The following LSAMP variants were observed in gnomAD, a reference collection of about 807,000 sequenced individuals.
LSAMP encodes the protein limbic system-associated membrane protein.
Under a neutral mutation model 38.6 loss-of-function variants are expected in LSAMP, and 7 were observed. The ratio of observed to expected loss-of-function variants is 0.18; its 90% CI spans 0.10 to 0.34. The LOEUF is 0.34. Ranked by LOEUF, LSAMP falls within the 10% of genes least tolerant of loss-of-function variation. LSAMP has a pLI of 1.00. For missense variants in LSAMP, 313 were observed against 420.0 expected (o/e 0.75, Z 2.23); for synonymous variants, 154 against 166.8 (o/e 0.92, Z 0.59).
chr3:116,065,398 T>C (rs750532392), intron 2 of LSAMP, among the ~76,000 whole-genome samples: 40 of 152,240 alleles, frequency 2.6e-4, no homozygotes, highest in Non-Finnish European at 4.6e-4. Flanking sequence ...AGTTTTTATA[T>C]TTGGTTGATA....
chr3:115,839,260 TC>T (rs1934908422), intron 6 of LSAMP, among the ~76,000 whole-genome samples: 1 of 89,344 alleles, frequency 1.1e-5, no homozygotes, highest in South Asian at 3.7e-4. Context: ...CTTCCTTCTT[TC>T]TTTCCTTCCT....
intron 3 of LSAMP, among the ~76,000 whole-genome samples, chr3:115,870,358 C>G (rs1017374205): frequency 6.6e-6 from 1 of 152,084 alleles, no homozygotes; most frequent in Non-Finnish European, 1.5e-5. Context: ...TAGATGAGAA[C>G]AAAAGTATAT....
At chr3:116,155,608 G>A (rs1432564932) in intron 1 of LSAMP, among the ~76,000 whole-genome samples, 2 of 148,886 alleles carry the variant, frequency 1.3e-5, no homozygotes, top group Non-Finnish European at 3.0e-5. Context: ...TATTTAATGT[G>A]ATGTATACAA....
chr3:115,899,397 G>A (rs1459095688), intron 3 of LSAMP, among the ~76,000 whole-genome samples: 6 of 152,126 alleles, frequency 3.9e-5, no homozygotes, highest in Non-Finnish European at 8.8e-5. Flanking sequence ...AGTTTGGAAA[G>A]ATGAGGCAGT....
intron 3 of LSAMP, among the ~76,000 whole-genome samples, chr3:115,873,623 T>C (rs1381851978): frequency 1.3e-5 from 2 of 152,148 alleles, no homozygotes; most frequent in African/African-American, 4.8e-5. Flanking sequence ...TAATAGAGTA[T>C]TAGAACTCAA....
intron 1 of LSAMP, among the ~76,000 whole-genome samples, chr3:116,161,413 T>C (rs1269174085): frequency 6.6e-6 from 1 of 152,224 alleles, no homozygotes; most frequent in Non-Finnish European, 1.5e-5. Flanking sequence ...GAACTAAATG[T>C]GCCATCTGTG....
chr3:116,297,957 T>C (rs548312585), intron 1 of LSAMP, among the ~76,000 whole-genome samples: 1 of 152,206 alleles, frequency 6.6e-6, no homozygotes, highest in Non-Finnish European at 1.5e-5. Flanking sequence ...TCTGTAGTCA[T>C]ACCAGCTTTC....
chr3:116,014,224 G>A (rs995191378), intron 3 of LSAMP, among the ~76,000 whole-genome samples: 6 of 152,052 alleles, frequency 3.9e-5, no homozygotes, highest in Non-Finnish European at 7.4e-5. Flanking sequence ...TTAGTTTAAT[G>A]CTTTGCTTTC....
rs573765035 is a variant in LSAMP at position 116,040,161 on chromosome 3, T to A, written c.389-20521A>T. 9.4e-4 allele frequency among the ~76,000 whole-genome samples: 143 copies of A among 152,266 alleles called. 1 individual carries two copies. In the South Asian group the frequency reaches 0.013, roughly 14 times the overall value. On this transcript the variant is annotated intron_variant, in intron 2 of 6. Coordinates refer to ENST00000490035, the MANE Select transcript of LSAMP (RefSeq NM_002338.5). ...TTTATCCTTCCTGGGTAAACACAGT[T>A]GAGGGGAGGGGAACTCTCAGGCAAA...
intron 1 of LSAMP, among the ~76,000 whole-genome samples, chr3:116,383,075 A>G (rs1012091260): frequency 1.3e-5 from 2 of 152,184 alleles, no homozygotes; most frequent in African/African-American, 4.8e-5. Context: ...TGAGCCCTTC[A>G]CTACGTGCTA....
At chr3:116,413,889 T>G (rs1387924962) in intron 1 of LSAMP, among the ~76,000 whole-genome samples, 1 of 129,396 alleles carries the variant, frequency 7.7e-6, no homozygotes, top group African/African-American at 2.6e-5. Flanking sequence ...CCTGGTAGTC[T>G]CACAGAAAAT....
chr3:116,128,801 A>G (rs947386903), intron 1 of LSAMP, among the ~76,000 whole-genome samples: 34 of 152,220 alleles, frequency 2.2e-4, no homozygotes, highest in African/African-American at 8.0e-4. Context: ...TAAGAACACA[A>G]TGCAGAAAAA....
At chr3:116,051,755 C>T (rs991249369) in intron 2 of LSAMP, among the ~76,000 whole-genome samples, 4 of 151,996 alleles carry the variant, frequency 2.6e-5, no homozygotes, top group Admixed American at 6.6e-5. Flanking sequence ...ACCCAGAAAG[C>T]GATGAGGGCC....
At chr3:115,869,847 A>G (rs1935976736) in intron 3 of LSAMP, among the ~76,000 whole-genome samples, 3 of 152,066 alleles carry the variant, frequency 2.0e-5, no homozygotes, top group African/African-American at 7.2e-5. Context: ...GGATATGTAT[A>G]TCCTTATATA....
At chr3:116,019,237 A>G (rs1447929947) in intron 3 of LSAMP, among the ~76,000 whole-genome samples, 1 of 151,284 alleles carries the variant, frequency 6.6e-6, no homozygotes, top group African/African-American at 2.4e-5. Context: ...ACAGATAGAT[A>G]GATGATAGCC....
At chr3:115,952,668 G>T (rs1938329417) in intron 3 of LSAMP, among the ~76,000 whole-genome samples, 1 of 152,082 alleles carries the variant, frequency 6.6e-6, no homozygotes, top group East Asian at 1.9e-4. Flanking sequence ...CACTACTGAA[G>T]AACTTATCCA....
chr3:116,373,843 C>T (rs932992570), intron 1 of LSAMP, among the ~76,000 whole-genome samples: 1 of 151,862 alleles, frequency 6.6e-6, no homozygotes, highest in Non-Finnish European at 1.5e-5. Flanking sequence ...AGTCTATAAT[C>T]AATATTGAGG....
At chr3:116,224,272 C>T (rs561241704) in intron 1 of LSAMP, among the ~76,000 whole-genome samples, 2 of 152,278 alleles carry the variant, frequency 1.3e-5, no homozygotes, top group African/African-American at 2.4e-5. Flanking sequence ...TTAATTAGAC[C>T]CTTCACCCAA....
Position 116,357,513 on chromosome 3 carries a change from A to G in LSAMP, c.155+87364T>C, listed in dbSNP as rs545684976. Among the ~76,000 whole-genome samples, 5 of 152,264 alleles carry G rather than the reference A, an allele frequency of 3.3e-5. No homozygotes were observed. In the East Asian group the frequency reaches 9.6e-4, roughly 29 times the overall value. Reference sequence around the variant, plus strand: ...GTTTAAACGCTAATTAAATAATATAATTTAAAACCTCGCACATGGTAACTA... The same window carrying G: ...GTTTAAACGCTAATTAAATAATATAGTTTAAAACCTCGCACATGGTAACTA... On this transcript the variant is annotated intron_variant, in intron 1 of 6. Coordinates refer to ENST00000490035, the MANE Select transcript of LSAMP (RefSeq NM_002338.5).
Sources: allele counts gnomAD v4.1 joint callset (sites outside exome capture counted in the v4.1 genomes callset), GRCh38; gene constraint gnomAD v4.1.1; transcripts MANE v1.5; gene names NCBI Gene and HGNC (gene_info 2026-07-23, HGNC 2026-07-21).